The following PCDH15 variants were observed in gnomAD, a reference collection of about 807,000 sequenced individuals.
PCDH15 encodes protocadherin-15.
PCDH15 carries 129 observed loss-of-function variants against 178.5 expected under a neutral mutation model. The ratio of observed to expected loss-of-function variants is 0.72; its 90% CI spans 0.63 to 0.84. The LOEUF is 0.84. PCDH15 is among the 40% of genes least tolerant of loss of function. The probability of loss-of-function intolerance (pLI) is 0.00; values close to 1 mark genes in which losing one functional copy is unlikely to be tolerated. For synonymous variants in PCDH15, 800 were observed against 732.0 expected (o/e 1.09, Z -1.50); for missense variants, 2,230 against 2,099.9 (o/e 1.06, Z -1.21).
intron 1 of PCDH15, among the ~76,000 whole-genome samples, chr10:54,702,693 T>C (rs1202544551): frequency 2.6e-5 from 4 of 151,704 alleles, no homozygotes; most frequent in Non-Finnish European, 5.9e-5. Context: ...AATAATGAGT[T>C]CCAAAATTAA....
intron 37 of PCDH15, chr10:53,808,883 C>A: frequency 2.5e-6 from 4 of 1,599,472 alleles, no homozygotes; most frequent in Non-Finnish European, 3.4e-6. Flanking sequence ...GCTGATTCTG[C>A]ACTGCCCTCT....
intron 2 of PCDH15, among the ~76,000 whole-genome samples, chr10:54,567,767 T>C (rs191633269): frequency 1.3e-5 from 2 of 152,152 alleles, no homozygotes; most frequent in Admixed American, 1.3e-4. Context: ...GATAATAAAA[T>C]CAAAATAGGT....
chr10:54,411,570 G>A (rs907261392), intron 3 of PCDH15, among the ~76,000 whole-genome samples: 3 of 152,154 alleles, frequency 2.0e-5, no homozygotes, highest in African/African-American at 4.8e-5. Flanking sequence ...TATTTTAAAG[G>A]ATTAAATGAT....
At chr10:55,039,188 T>A (rs1398128694) in intron 2 of PCDH15, among the ~76,000 whole-genome samples, 1 of 151,498 alleles carries the variant, frequency 6.6e-6, no homozygotes, top group Non-Finnish European at 1.5e-5. Context: ...TGTAAATCTC[T>A]CCCAGAATAC....
intron 3 of PCDH15, among the ~76,000 whole-genome samples, chr10:54,395,042 T>C (rs888943720): frequency 2.6e-5 from 4 of 152,138 alleles, no homozygotes; most frequent in African/African-American, 9.7e-5. Flanking sequence ...CAAACACACA[T>C]GCTGTACAAT....
At chr10:54,620,492 T>A (rs547122967) in intron 2 of PCDH15, among the ~76,000 whole-genome samples, 30 of 152,180 alleles carry the variant, frequency 2.0e-4, no homozygotes, top group Non-Finnish European at 4.0e-4. Flanking sequence ...TAAAACCGAT[T>A]CTTTTTACTC....
chr10:54,296,820 G>A (rs2133164015), intron 8 of PCDH15, among the ~76,000 whole-genome samples: 1 of 152,186 alleles, frequency 6.6e-6, no homozygotes, highest in South Asian at 2.1e-4. Flanking sequence ...TCCAACCCTG[G>A]AGATCTCTTC....
intron 13 of PCDH15, among the ~76,000 whole-genome samples, chr10:54,161,865 G>A (rs1053359672): frequency 6.6e-6 from 1 of 152,114 alleles, no homozygotes; most frequent in Non-Finnish European, 1.5e-5. Context: ...TGGGGAGATG[G>A]ATTTGAGACT....
intron 3 of PCDH15, among the ~76,000 whole-genome samples, chr10:54,892,364 T>C (rs958283634): frequency 5.9e-5 from 9 of 152,000 alleles, no homozygotes; most frequent in African/African-American, 2.2e-4. Context: ...TAATGTGAAG[T>C]CATTTCCTTG....
rs930396375 is a variant in PCDH15 at position 54,219,434 on chromosome 10, CA to C, written c.986-5387del. 9.9e-3 allele frequency among the ~76,000 whole-genome samples: 1,444 copies of C among 145,886 alleles called. 20 individuals are homozygous for C. Among genetic ancestry groups the C allele is most frequent in the African/African-American group, 0.031 (1,246 of 39,692 alleles). ...TGACACCCCATCTCTACTAAAAATA[CA>C]AAAAAAAATTAGCCAGGCTTGGTGG... is the stretch of plus-strand genomic sequence containing the variant. On this transcript the variant is annotated intron_variant, in intron 9 of 37. Transcript: ENST00000644397.
At chr10:54,278,215 C>T (rs1018685622) in intron 8 of PCDH15, among the ~76,000 whole-genome samples, 7 of 151,532 alleles carry the variant, frequency 4.6e-5, no homozygotes, top group South Asian at 2.1e-4. Flanking sequence ...ACTATAACTA[C>T]ACTCTTTAAA....
At chr10:54,935,093 G>C (rs984887585) in intron 2 of PCDH15, among the ~76,000 whole-genome samples, 1 of 150,514 alleles carries the variant, frequency 6.6e-6, no homozygotes, top group South Asian at 2.1e-4. Flanking sequence ...GGTGTGGGGA[G>C]GGGGGAGGGA....
intron 3 of PCDH15, among the ~76,000 whole-genome samples, chr10:54,465,707 G>A (rs1179751713): frequency 6.6e-6 from 1 of 151,926 alleles, no homozygotes; most frequent in African/African-American, 2.4e-5. Context: ...AAACATGGGG[G>A]TGCAGGTATC....
At chr10:54,586,480 C>T (rs2091476716) in intron 2 of PCDH15, among the ~76,000 whole-genome samples, 1 of 152,092 alleles carries the variant, frequency 6.6e-6, no homozygotes, top group Non-Finnish European at 1.5e-5. Context: ...TATGTGTCAC[C>T]TTACTTAATC....
rs375292203 is a variant in PCDH15, at chr10:53,840,446, A to G, written c.3857T>C (p.Val1286Ala). 23 of 1,614,000 alleles carry G rather than the reference A, an allele frequency of 1.4e-5. No homozygotes were observed. Among genetic ancestry groups the G allele is most frequent in the African/African-American group, 2.7e-5 (2 of 74,920 alleles). The change falls in exon 29 of 38, where the codon GTG becomes GCG. Residue 1286 changes from valine to alanine, a missense_variant. Transcript: ENST00000644397. ...QEQIPGAKVVVESIGARRHGD... is the reference protein window; with the variant it reads ...QEQIPGAKVVAESIGARRHGD... ...ATGCCGGCGAGCTCCAATGGACTCC[A>G]CTACGACCTTGGCACCAGGAATTTG...
At position 55,304,844 on chromosome 10, in the gene PCDH15, GT is replaced by G. The variant is rs1196536512; in HGVS notation, c.-156+14754del. Reference sequence around the variant, plus strand: ...ATCCAATGATTATCTGTATATGGATGTTGTAAAGTTCTCTTATATCATACTT... The same window carrying G: ...ATCCAATGATTATCTGTATATGGATGTGTAAAGTTCTCTTATATCATACTT... On this transcript the variant is annotated intron_variant, in intron 1 of 5. Coordinates refer to the PCDH15 transcript ENST00000458638. 3.3e-5 allele frequency among the ~76,000 whole-genome samples: 5 copies of G among 152,230 alleles called. No individual in the cohort carries two copies. The East Asian group carries it at 9.7e-4, about 29-fold the overall frequency.
chr10:55,496,168 A>T (rs890791995), intron 2 of PCDH15, among the ~76,000 whole-genome samples: 1 of 151,900 alleles, frequency 6.6e-6, no homozygotes, highest in African/African-American at 2.4e-5. Flanking sequence ...GGTGAATTGT[A>T]TATGAGTTAT....
At chr10:54,772,017 G>C (rs1026244177) in intron 1 of PCDH15, among the ~76,000 whole-genome samples, 1 of 152,100 alleles carries the variant, frequency 6.6e-6, no homozygotes, top group East Asian at 1.9e-4. Context: ...ATGAATGTCA[G>C]CTGTTATATG....
At chr10:54,138,098 TC>T (rs1173858702) in intron 14 of PCDH15, among the ~76,000 whole-genome samples, 1 of 152,142 alleles carries the variant, frequency 6.6e-6, no homozygotes, top group East Asian at 1.9e-4. Context: ...CATGATCCCC[TC>T]CTCTCAGTTT....
Sources: allele counts gnomAD v4.1 joint callset (sites outside exome capture counted in the v4.1 genomes callset), GRCh38; gene constraint gnomAD v4.1.1; transcripts MANE v1.5; gene names NCBI Gene and HGNC (gene_info 2026-07-23, HGNC 2026-07-21).